MSI2: variants seen among roughly 807,000 people sequenced by gnomAD.
MSI2 encodes the protein musashi RNA binding protein 2.
MSI2 carries 17 observed loss-of-function variants against 45.6 expected under a neutral mutation model. The ratio of observed to expected loss-of-function variants is 0.37; its 90% CI spans 0.26 to 0.56. MSI2 has a LOEUF of 0.56. Ranked by LOEUF, MSI2 falls within the 20% of genes least tolerant of loss-of-function variation. MSI2 has a pLI of 0.77. For synonymous variants in MSI2, 156 were observed against 158.2 expected (o/e 0.99, Z 0.11); for missense variants, 293 against 444.2 (o/e 0.66, Z 3.06).
At chr17:57,394,763 T>G (rs2083858680) in intron 5 of MSI2, among the ~76,000 whole-genome samples, 1 of 152,158 alleles carries the variant, frequency 6.6e-6, no homozygotes, top group Non-Finnish European at 1.5e-5. Context: ...CTTGCTTGGG[T>G]GGGTGTGATG....
chr17:57,440,813 A>C (rs2084786347), intron 6 of MSI2: 1 of 152,156 alleles, frequency 6.6e-6, no homozygotes, highest in African/African-American at 2.4e-5. Context: ...AGGTACCCTT[A>C]TTTATGCCTG....
intron 6 of MSI2, among the ~76,000 whole-genome samples, chr17:57,411,309 T>C (rs1223573015): frequency 6.6e-6 from 1 of 152,206 alleles, no homozygotes; most frequent in Non-Finnish European, 1.5e-5. Flanking sequence ...ACTCAGCCGA[T>C]TTTTATTCTT....
At chr17:57,653,488 G>A (rs1020192430) in intron 11 of MSI2, among the ~76,000 whole-genome samples, 3 of 152,112 alleles carry the variant, frequency 2.0e-5, no homozygotes, top group African/African-American at 7.2e-5. Context: ...AGTCCCCCCA[G>A]CCCCGGGCCC....
intron 5 of MSI2, among the ~76,000 whole-genome samples, chr17:57,302,921 C>G (rs1452746359): frequency 6.6e-6 from 1 of 152,060 alleles, no homozygotes; most frequent in Non-Finnish European, 1.5e-5. Flanking sequence ...AACATCAACA[C>G]CTAAGATAGA....
At chr17:57,694,983 T>C in the MSI2 span, among the ~76,000 whole-genome samples, 1 of 152,236 alleles carries the variant, frequency 6.6e-6, no homozygotes, top group African/African-American at 2.4e-5. Flanking sequence ...AAGCTGAGCA[T>C]AGAACATAGA....
chr17:57,534,288 CCTT>C (rs1235073066), intron 7 of MSI2, among the ~76,000 whole-genome samples: 2 of 152,228 alleles, frequency 1.3e-5, no homozygotes, highest in African/African-American at 2.4e-5. Flanking sequence ...CATTTTCTGT[CCTT>C]CTCCACAACA....
chr17:57,277,826 C>A (rs60968946), intron 5 of MSI2: 2 of 152,308 alleles, frequency 1.3e-5, no homozygotes, highest in East Asian at 3.9e-4. Context: ...TTCCTGGGGG[C>A]TACTTTTACT....
intron 6 of MSI2, among the ~76,000 whole-genome samples, chr17:57,492,964 G>A (rs749270823): frequency 6.6e-6 from 1 of 152,168 alleles, no homozygotes; most frequent in Non-Finnish European, 1.5e-5. Flanking sequence ...CCACTCTGGG[G>A]AGATGAGAAT....
At chr17:57,640,635 G>A (rs1318131049) in intron 10 of MSI2, among the ~76,000 whole-genome samples, 2 of 152,206 alleles carry the variant, frequency 1.3e-5, no homozygotes, top group African/African-American at 4.8e-5. Flanking sequence ...GAGGCAGAGA[G>A]GGAAGTTAAG....
At chr17:57,698,619 G>A in the MSI2 span, among the ~76,000 whole-genome samples, 2 of 152,104 alleles carry the variant, frequency 1.3e-5, no homozygotes, top group Non-Finnish European at 2.9e-5. Context: ...TGGGCCTTCC[G>A]CTGTCTTGGG....
At chr17:57,530,440 A>G (rs2086798308) in intron 7 of MSI2, among the ~76,000 whole-genome samples, 2 of 152,218 alleles carry the variant, frequency 1.3e-5, no homozygotes, top group South Asian at 4.1e-4. Flanking sequence ...GAACACATTA[A>G]ATTTATTGCT....
At chr17:57,514,163 G>C (rs189121613) in intron 6 of MSI2, among the ~76,000 whole-genome samples, 188 of 152,302 alleles carry the variant, frequency 1.2e-3, no homozygotes, top group African/African-American at 4.3e-3. Context: ...ACTATTTCAA[G>C]GGGGTCTTGA....
In MSI2 at chr17:57,677,023, C is replaced by G; in HGVS notation, c.982C>G (p.His328Asp). The G allele has an allele frequency of 6.2e-7, 1 of 1,613,806 alleles. No homozygotes were observed. ...LIATAFTNGY[H>D] ...TGCAACGGCCTTTACAAATGGATAC[C>G]ATTGAGCAGGTGCTTTCGTTGCCAT... The change falls in exon 13 of 14, where the codon CAT (histidine) becomes GAT (aspartate). Residue 328 changes from histidine to aspartate, a missense_variant. Physicochemically the swap from His to Asp is moderately conservative, Grantham distance 81. Coordinates refer to ENST00000284073, the MANE Select transcript of MSI2 (RefSeq NM_138962.4).
intron 5 of MSI2, among the ~76,000 whole-genome samples, chr17:57,281,779 G>A (rs1206242006): frequency 6.6e-6 from 1 of 152,158 alleles, no homozygotes; most frequent in Non-Finnish European, 1.5e-5. Context: ...GGGCCTTCTG[G>A]AGTAAAGCAA....
At chr17:57,546,791 T>C (rs1004634072) in intron 7 of MSI2, among the ~76,000 whole-genome samples, 2 of 152,212 alleles carry the variant, frequency 1.3e-5, no homozygotes, top group Non-Finnish European at 2.9e-5. Flanking sequence ...ACATCTGTGC[T>C]TGAGGCTCTG....
At position 57,529,384 on chromosome 17, in the gene MSI2, C is replaced by T. The variant is rs955548720; in HGVS notation, c.406-292C>T. On this transcript the variant is annotated intron_variant, in intron 6 of 13. Transcript: ENST00000284073. This position sits in a 1 kb window ranked among gnomAD's most constrained non-coding sequence, Gnocchi z 5.3. ...TCAGGAGGTCGAGACTGCAGTGAGC[C>T]GTGATGGTGCCACTGCACTCTAGCC... 1.1e-4 allele frequency among the ~76,000 whole-genome samples: 16 copies of T among 152,136 alleles called. No individual in the cohort carries two copies. The highest frequency in any genetic ancestry group is 3.4e-3 in the Middle Eastern group (1 of 294).
intron 7 of MSI2, among the ~76,000 whole-genome samples, chr17:57,586,849 TA>T (rs34823246): frequency 0.22 from 31,531 of 146,522 alleles, 3,382 homozygotes; most frequent in African/African-American, 0.26. Flanking sequence ...CCCATCTCCT[TA>T]AAAAAAAAAA....
intron 5 of MSI2, among the ~76,000 whole-genome samples, chr17:57,346,889 G>A (rs149361270): frequency 0.015 from 2,341 of 152,268 alleles, 60 homozygotes; most frequent in African/African-American, 0.054. Flanking sequence ...TTACAAGTGT[G>A]AGCCACTGTG....
At chr17:57,382,002 G>A (rs1310209111) in intron 5 of MSI2, among the ~76,000 whole-genome samples, 1 of 152,154 alleles carries the variant, frequency 6.6e-6, no homozygotes, top group Admixed American at 6.5e-5. Flanking sequence ...TAAACCTAAC[G>A]GGTAAATACT....
Sources: gnomAD v4.1 joint callset for allele counts (sites outside exome capture counted in the v4.1 genomes callset) on GRCh38, gnomAD v4.1.1 for gene constraint, Gnocchi (gnomAD v3.1) non-coding constraint, MANE v1.5 for transcripts, NCBI Gene and HGNC (gene_info 2026-07-23, HGNC 2026-07-21) for gene names.